The following GMDS variants were observed in gnomAD, a reference collection of about 807,000 sequenced individuals.
The protein encoded by GMDS is GDP-mannose 4,6-dehydratase, also known as GDP-mannose 4,6 dehydratase.
Under a neutral mutation model 49.9 loss-of-function variants are expected in GMDS, and 20 were observed. The ratio of observed to expected loss-of-function variants is 0.40; its 90% CI spans 0.28 to 0.58. GMDS has a LOEUF of 0.58. Among genes scored for constraint, GMDS ranks in the 20% least tolerant of loss-of-function variants. GMDS has a pLI of 0.42. For synonymous variants in GMDS, 177 were observed against 178.6 expected, an observed-to-expected ratio of 0.99 and a Z score of 0.07; for missense variants, 362 against 481.4, an observed-to-expected ratio of 0.75 and a Z score of 2.32.
intron 7 of GMDS, among the ~76,000 whole-genome samples, chr6:1,820,653 C>T (rs183658327): frequency 6.6e-6 from 1 of 152,162 alleles, no homozygotes; most frequent in South Asian, 2.1e-4. Context: ...CAGGAATAAG[C>T]AGCACTCATT....
intron 6 of GMDS, among the ~76,000 whole-genome samples, chr6:1,948,531 C>T (rs1763192885): frequency 6.6e-6 from 1 of 152,092 alleles, no homozygotes; most frequent in East Asian, 1.9e-4. Flanking sequence ...GTAGTGTACA[C>T]CTGTCGACCC....
chr6:2,232,989 G>A (rs753697994), intron 1 of GMDS, among the ~76,000 whole-genome samples: 1 of 152,298 alleles, frequency 6.6e-6, no homozygotes, highest in Non-Finnish European at 1.5e-5. Flanking sequence ...GCCAGGGGCT[G>A]GGAAAGGAGG....
chr6:1,712,354 G>C (rs1194519377), intron 9 of GMDS, among the ~76,000 whole-genome samples: 1 of 152,246 alleles, frequency 6.6e-6, no homozygotes, highest in Admixed American at 6.5e-5. Context: ...TAGGGAAGCT[G>C]AGATGACGTG....
At chr6:1,860,577 T>C (rs923159257) in intron 7 of GMDS, among the ~76,000 whole-genome samples, 1 of 152,182 alleles carries the variant, frequency 6.6e-6, no homozygotes, top group African/African-American at 2.4e-5. Flanking sequence ...TTTTAAATCA[T>C]AGAACTACAT....
At chr6:1,956,746 A>G (rs1236360585) in intron 6 of GMDS, among the ~76,000 whole-genome samples, 1 of 152,212 alleles carries the variant, frequency 6.6e-6, no homozygotes, top group Non-Finnish European at 1.5e-5. Flanking sequence ...AAAGATTATT[A>G]ACAAAAAACA....
At chr6:2,153,803 A>G (rs531246598) in intron 1 of GMDS, among the ~76,000 whole-genome samples, 46 of 152,298 alleles carry the variant, frequency 3.0e-4, no homozygotes, top group South Asian at 1.7e-3. Context: ...AATATACTCA[A>G]AAATGTACGA....
intron 4 of GMDS, among the ~76,000 whole-genome samples, chr6:2,001,333 T>C (rs1766807199): frequency 6.6e-6 from 1 of 152,184 alleles, no homozygotes; most frequent in Admixed American, 6.5e-5. Flanking sequence ...ACTTTTTAAT[T>C]GGGTTGTCTT....
intron 4 of GMDS, among the ~76,000 whole-genome samples, chr6:2,046,808 T>C (rs1770046147): frequency 6.6e-6 from 1 of 152,204 alleles, no homozygotes; most frequent in South Asian, 2.1e-4. Context: ...GTTTCCTATA[T>C]TTATATATTA....
intron 9 of GMDS, among the ~76,000 whole-genome samples, chr6:1,628,796 C>T (rs747315626): frequency 3.9e-4 from 59 of 152,252 alleles, no homozygotes; most frequent in Non-Finnish European, 4.6e-4. Flanking sequence ...CTGATGAAAG[C>T]CTTGGCGAAA....
chr6:1,678,992 G>A (rs1344306790), intron 9 of GMDS, among the ~76,000 whole-genome samples: 1 of 152,140 alleles, frequency 6.6e-6, no homozygotes, highest in East Asian at 1.9e-4. Flanking sequence ...GACTAAATGA[G>A]TCCCATTTAC....
intron 4 of GMDS, among the ~76,000 whole-genome samples, chr6:1,999,959 T>TTATATATATTATATATATATAA (rs1766591126): frequency 8.0e-5 from 1 of 12,520 alleles, no homozygotes; most frequent in East Asian, 3.9e-3. Flanking sequence ...AATATGTATA[T>TTATATATATTATATATATATAA]TATATATATA....
At chr6:1,993,406 C>A (rs982185498) in intron 4 of GMDS, among the ~76,000 whole-genome samples, 1 of 152,166 alleles carries the variant, frequency 6.6e-6, no homozygotes, top group African/African-American at 2.4e-5. Context: ...GACTTGTGGA[C>A]TCCTGAGAGC....
intron 9 of GMDS, among the ~76,000 whole-genome samples, chr6:1,681,856 C>T (rs147313838): frequency 7.2e-5 from 11 of 152,318 alleles, no homozygotes; most frequent in South Asian, 4.1e-4. Context: ...CCACAGTGTG[C>T]GGCTAATTTT....
intron 2 of GMDS, among the ~76,000 whole-genome samples, chr6:2,121,726 T>C (rs1775148493): frequency 6.6e-6 from 1 of 152,216 alleles, no homozygotes; most frequent in South Asian, 2.1e-4. Context: ...ATACTTTCAT[T>C]TTGCTTTTCT....
chr6:1,879,489 A>C (rs567743433), intron 7 of GMDS, among the ~76,000 whole-genome samples: 15 of 152,238 alleles, frequency 9.9e-5, no homozygotes, highest in Non-Finnish European at 1.9e-4. Context: ...ATAAAACAGA[A>C]TTATAAGCCA....
intron 4 of GMDS, among the ~76,000 whole-genome samples, chr6:1,969,587 C>T (rs913397332): frequency 3.3e-5 from 5 of 152,106 alleles, no homozygotes; most frequent in African/African-American, 9.7e-5. Context: ...TCTTCAGTCC[C>T]GTATGGTTCA....
intron 4 of GMDS, among the ~76,000 whole-genome samples, chr6:2,076,457 A>G (rs1361469938): frequency 6.6e-6 from 1 of 152,206 alleles, no homozygotes; most frequent in East Asian, 1.9e-4. Flanking sequence ...TGCCAAGCCA[A>G]TCCTAAGCCA....
chr6:1,841,501 T>C (rs1757150955), intron 7 of GMDS, among the ~76,000 whole-genome samples: 1 of 152,242 alleles, frequency 6.6e-6, no homozygotes, highest in African/African-American at 2.4e-5. Flanking sequence ...TAAAGATCCA[T>C]GTCACTGCTA....
intron 7 of GMDS, among the ~76,000 whole-genome samples, chr6:1,860,197 T>C (rs560040573): frequency 5.9e-4 from 90 of 152,218 alleles, no homozygotes; most frequent in Non-Finnish European, 1.0e-3. Context: ...ATAAATGTGA[T>C]ATGTAATAAA....
Sources: allele counts gnomAD v4.1 joint callset (sites outside exome capture counted in the v4.1 genomes callset), GRCh38; gene constraint gnomAD v4.1.1; transcripts MANE v1.5; gene names NCBI Gene and HGNC (gene_info 2026-07-23, HGNC 2026-07-21).